OSBPL8: variants seen among roughly 807,000 people sequenced by gnomAD.
OSBPL8 encodes the protein oxysterol binding protein like 8.
A neutral mutation model predicts 125.5 loss-of-function variants in OSBPL8; 59 were observed. The ratio of observed to expected loss-of-function variants is 0.47; its 90% CI spans 0.38 to 0.58. The LOEUF is 0.58. Ranked by LOEUF, OSBPL8 falls within the 20% of genes least tolerant of loss-of-function variation. The pLI is 0.00. For missense variants in OSBPL8, 758 were observed against 1,047.8 expected, an observed-to-expected ratio of 0.72 and a Z score of 3.82; for synonymous variants, 330 against 338.9, an observed-to-expected ratio of 0.97 and a Z score of 0.29.
At chr12:76,497,709 T>C (rs189002888) in intron 1 of OSBPL8, among the ~76,000 whole-genome samples, 3 of 152,350 alleles carry the variant, frequency 2.0e-5, no homozygotes, top group East Asian at 3.9e-4. Context: ...GCAGCTTATG[T>C]AAGGGCTTAA....
chr12:76,416,758 A>G (rs1318907221), intron 4 of OSBPL8, among the ~76,000 whole-genome samples: 1 of 152,062 alleles, frequency 6.6e-6, no homozygotes, highest in African/African-American at 2.4e-5. Context: ...TTTTAATACT[A>G]ATCTTTAGAT....
intron 5 of OSBPL8, among the ~76,000 whole-genome samples, chr12:76,407,319 A>G (rs1190290108): frequency 1.3e-5 from 2 of 152,124 alleles, no homozygotes; most frequent in Non-Finnish European, 2.9e-5. Context: ...TGGCGCAAAC[A>G]TGGCTCACTT....
At chr12:76,365,251 A>G (rs1423064923) in intron 21 of OSBPL8, among the ~76,000 whole-genome samples, 2 of 152,170 alleles carry the variant, frequency 1.3e-5, no homozygotes, top group Non-Finnish European at 2.9e-5. Context: ...CAAAATCTTA[A>G]CAATATTAAC....
intron 1 of OSBPL8, among the ~76,000 whole-genome samples, chr12:76,548,353 A>G (rs1950840565): frequency 6.6e-6 from 1 of 152,182 alleles, no homozygotes; most frequent in African/African-American, 2.4e-5. Flanking sequence ...ACGTCTGAGA[A>G]GATCCCCAGG....
At chr12:76,467,488 C>G (rs1338903724) in intron 2 of OSBPL8, among the ~76,000 whole-genome samples, 1 of 152,232 alleles carries the variant, frequency 6.6e-6, no homozygotes, top group African/African-American at 2.4e-5. Context: ...ATCTTTGTAT[C>G]AGAGATAGTA....
At chr12:76,498,843 C>T (rs1241651690) in intron 1 of OSBPL8, among the ~76,000 whole-genome samples, 2 of 151,780 alleles carry the variant, frequency 1.3e-5, no homozygotes, top group African/African-American at 4.8e-5. Flanking sequence ...CCTCAACCTC[C>T]AGACTAGCTG....
intron 4 of OSBPL8, among the ~76,000 whole-genome samples, chr12:76,428,111 AAAAT>A (rs1271414982): frequency 2.0e-5 from 3 of 152,186 alleles, no homozygotes; most frequent in African/African-American, 7.2e-5. Flanking sequence ...TTAACATTAA[AAAAT>A]AAATAATTAT....
intron 4 of OSBPL8, among the ~76,000 whole-genome samples, chr12:76,416,322 G>T (rs1868660635): frequency 6.6e-6 from 1 of 151,806 alleles, no homozygotes; most frequent in African/African-American, 2.4e-5. Context: ...TTACTTTATG[G>T]CACAGCATAT....
chr12:76,464,620 T>C (rs1875172093), intron 2 of OSBPL8, among the ~76,000 whole-genome samples: 1 of 152,200 alleles, frequency 6.6e-6, no homozygotes, highest in Non-Finnish European at 1.5e-5. Context: ...AACATCTTCA[T>C]CCTGGGAAAC....
chr12:76,447,777 C>T (rs1206763951), intron 4 of OSBPL8, among the ~76,000 whole-genome samples: 2 of 152,260 alleles, frequency 1.3e-5, no homozygotes, highest in African/African-American at 2.4e-5. Context: ...GAACTCCTGA[C>T]CTCAGGTAAT....
At chr12:76,474,813 G>A (rs1352849753) in intron 2 of OSBPL8, among the ~76,000 whole-genome samples, 2 of 152,148 alleles carry the variant, frequency 1.3e-5, no homozygotes. Flanking sequence ...ATATGTATGT[G>A]TGTACACAGA....
intron 1 of OSBPL8, among the ~76,000 whole-genome samples, chr12:76,504,007 TAACATTTAGATCAGTAG>T (rs1440892895): frequency 2.0e-5 from 3 of 150,544 alleles, no homozygotes; most frequent in Non-Finnish European, 4.4e-5. Flanking sequence ...TAGATGTGTT[TAACATTTAGATCAGTAG>T]ACTTTGAGTA....
intron 4 of OSBPL8, among the ~76,000 whole-genome samples, chr12:76,413,803 T>C (rs531520269): frequency 1.3e-5 from 2 of 152,306 alleles, no homozygotes; most frequent in Admixed American, 6.5e-5. Context: ...CTATCTTTTC[T>C]TATTATATAA....
At chr12:76,526,891 TCCA>T (rs1273295017) in intron 1 of OSBPL8, among the ~76,000 whole-genome samples, 1 of 151,874 alleles carries the variant, frequency 6.6e-6, no homozygotes, top group Non-Finnish European at 1.5e-5. Flanking sequence ...CCTCAGGTGA[TCCA>T]CCGTCTCAGC....
At chr12:76,484,965 G>A (rs560898555) in intron 2 of OSBPL8, among the ~76,000 whole-genome samples, 1 of 152,038 alleles carries the variant, frequency 6.6e-6, no homozygotes, top group Non-Finnish European at 1.5e-5. Flanking sequence ...TTGTTGCCCA[G>A]GCTAGAGTGC....
intron 1 of OSBPL8, among the ~76,000 whole-genome samples, chr12:76,535,682 C>T (rs1950473906): frequency 6.6e-6 from 1 of 152,020 alleles, no homozygotes; most frequent in African/African-American, 2.4e-5. Context: ...ATATTCATTA[C>T]AATACTGTAA....
Position 76,372,465 on chromosome 12 carries a change from T to C in OSBPL8, c.1917+879A>G, listed in dbSNP as rs369982585. 5.3e-5 allele frequency among the ~76,000 whole-genome samples: 8 copies of C among 152,240 alleles called. No homozygotes were observed. In the East Asian group the frequency reaches 1.5e-3, roughly 29 times the overall value. On this transcript the variant is annotated intron_variant, in intron 18 of 23. Transcript: ENST00000261183. ...CTTCCCAAAGTGCTGGAATTATAGG[T>C]GTGAGCCACCCCACCCAGACAGAAA... is the stretch of plus-strand genomic sequence containing the variant.
At chr12:76,472,223 A>C (rs1876222060) in intron 2 of OSBPL8, among the ~76,000 whole-genome samples, 1 of 152,238 alleles carries the variant, frequency 6.6e-6, no homozygotes, top group Non-Finnish European at 1.5e-5. Context: ...CACCATCTTA[A>C]CATCATTTTT....
chr12:76,536,816 CAA>C (rs36035843), intron 1 of OSBPL8, among the ~76,000 whole-genome samples: 22,371 of 90,772 alleles, frequency 0.25, 2,018 homozygotes, highest in Non-Finnish European at 0.35. Flanking sequence ...ATAGGAGTAT[CAA>C]AAAAAAAAAA....
Sources: gnomAD v4.1 joint callset for allele counts (sites outside exome capture counted in the v4.1 genomes callset) on GRCh38, gnomAD v4.1.1 for gene constraint, MANE v1.5 for transcripts, NCBI Gene and HGNC (gene_info 2026-07-23, HGNC 2026-07-21) for gene names.